ZFYVE19: variants seen among roughly 807,000 people sequenced by gnomAD.
ZFYVE19 encodes the protein abscission/NoCut checkpoint regulator.
Under a neutral mutation model 62.8 loss-of-function variants are expected in ZFYVE19, and 49 were observed. The ratio of observed to expected loss-of-function variants is 0.78; its 90% confidence interval spans 0.62 to 0.99. The LOEUF is 0.99. Ranked by LOEUF, ZFYVE19 falls within the 50% of genes least tolerant of loss-of-function variation. The pLI is 0.00. For synonymous variants in ZFYVE19, 242 were observed against 234.3 expected (o/e 1.03, Z -0.30); for missense variants, 630 against 601.9 (o/e 1.05, Z -0.49).
At position 40,813,962 on chromosome 15, in the gene ZFYVE19, G is replaced by A; in HGVS notation, c.1229G>A (p.Arg410Lys). 1 of 1,611,778 alleles carries A rather than the reference G, an allele frequency of 6.2e-7. No individual in the cohort carries two copies. The highest frequency in any genetic ancestry group is 8.5e-7 in the Non-Finnish European group (1 of 1,178,676). Reference sequence around the variant, plus strand: ...CTGAAGGCCCAGGATGTGGACCCCAGGCCTGAGGCTGAGGAAGAGGAGCTC... The same window carrying A: ...CTGAAGGCCCAGGATGTGGACCCCAAGCCTGAGGCTGAGGAAGAGGAGCTC... ...AEPEAQDVDP[R>K]PEAEEEELPW... The change falls in exon 10 of 11, where the codon AGG (arginine) becomes AAG (lysine). Residue 410 changes from arginine (R) to lysine (K), a missense_variant. Transcript: ENST00000355341.
rs1341275969 is a variant in ZFYVE19 at position 40,814,849 on chromosome 15, AG to A, written c.*625del. On this transcript the variant is annotated 3_prime_UTR_variant, in exon 11 of 11. Transcript: ENST00000355341. ...TCTCTACTACTCACACAATGCACGC[AG>A]GAACAATGCACACACACCCTGCTTC... is the stretch of plus-strand genomic sequence containing the variant. 3 of 156,306 alleles carry A rather than the reference AG, an allele frequency of 1.9e-5. No homozygotes were observed. Among genetic ancestry groups the A allele is most frequent in the African/African-American group, 4.8e-5 (2 of 41,474 alleles). The allele number at this position is 156,306 out of a possible 1,614,324, so 9.7% of individuals were successfully genotyped here.
At chr15:40,812,151 A>G (rs1005212316) in intron 6 of ZFYVE19, among the ~76,000 whole-genome samples, 1 of 152,222 alleles carries the variant, frequency 6.6e-6, no homozygotes, top group Non-Finnish European at 1.5e-5. Context: ...GGGTAAAATT[A>G]TTAGTTTTTT....
At position 40,812,863 on chromosome 15, in the gene ZFYVE19, A is replaced by G; in HGVS notation, c.991A>G (p.Lys331Glu). Residue 331 changes from lysine (K) to glutamate (E), a missense_variant, in exon 7 of 11, where the codon AAG becomes GAG. Lys to Glu is a moderately conservative substitution (Grantham distance 56, BLOSUM62 1). Transcript: ENST00000355341. ...GCAGGAACGGATTCTGGCCCTGGCC[A>G]AGCGACTAGCCATGCTGCGGGGACA... ...TRQERILALA[K>E]RLAMLRGQDP... 6.2e-7 allele frequency: 1 copy of G among 1,613,300 alleles called. No individual in the cohort carries two copies. Among genetic ancestry groups the G allele is most frequent in the Non-Finnish European group, 8.5e-7 (1 of 1,180,000 alleles).
At chr15:40,809,276 A>C in intron 2 of ZFYVE19, 36 bp downstream of exon 2, 1 of 1,612,912 alleles carries the variant, frequency 6.2e-7, no homozygotes, top group African/African-American at 1.3e-5. Flanking sequence ...TCAGCCAAGT[A>C]TGGCAGTGGG....
At position 40,813,795 on chromosome 15, in the gene ZFYVE19, G is replaced by T; in HGVS notation, c.1193G>T (p.Arg398Leu). ...EQASRPWTQPRGAEPEAQDVD... is the reference protein window; with the variant it reads ...EQASRPWTQPLGAEPEAQDVD... Reference sequence around the variant, plus strand: ...GCTTCTCGACCCTGGACGCAACCCCGCGGGGCAGAGCCTGAGGTGAGAAAA... The same window carrying T: ...GCTTCTCGACCCTGGACGCAACCCCTCGGGGCAGAGCCTGAGGTGAGAAAA... Residue 398 changes from arginine (R) to leucine (L), a missense_variant, in exon 9 of 11, where the codon CGC (arginine) becomes CTC (leucine). Physicochemically the swap from Arg to Leu is moderately radical, Grantham distance 102. Transcript: ENST00000355341. 6.2e-7 allele frequency: 1 copy of T among 1,613,790 alleles called. No individual in the cohort carries two copies. Among genetic ancestry groups the T allele is most frequent in the Non-Finnish European group, 8.5e-7 (1 of 1,179,896 alleles).
chr15:40,812,635 T>C (rs1036709124), intron 6 of ZFYVE19, 64 bp from the exon 7 acceptor site: 2 of 1,235,136 alleles, frequency 1.6e-6, no homozygotes, highest in Non-Finnish European at 2.3e-6. Context: ...AGAAATGGGC[T>C]CATTGGCTTC....
intron 1 of ZFYVE19, 88 bp downstream of exon 1, chr15:40,807,956 G>C (rs909626046): frequency 6.8e-7 from 1 of 1,472,696 alleles, no homozygotes; most frequent in African/African-American, 1.4e-5. Context: ...TGGTCTTACG[G>C]CTCCTTTCCA....
chr15:40,809,997 A>G (rs1566837225), intron 4 of ZFYVE19, 27 bp downstream of exon 4: 15 of 1,614,150 alleles, frequency 9.3e-6, no homozygotes, highest in East Asian at 2.2e-5. Flanking sequence ...GGGGTTGCCT[A>G]GAGGACACAG....
chr15:40,810,013 G>A (rs754767915), intron 4 of ZFYVE19, 43 bp downstream of exon 4: 2 of 1,614,128 alleles, frequency 1.2e-6, no homozygotes, highest in Non-Finnish European at 8.5e-7. Flanking sequence ...CACAGTCCAG[G>A]GCTTCTGGGA....
intron 5 of ZFYVE19, 91 bp from the exon 6 acceptor site, chr15:40,810,558 C>G: frequency 6.6e-7 from 1 of 1,509,396 alleles, no homozygotes; most frequent in East Asian, 2.5e-5. Flanking sequence ...TCTCCTTTCC[C>G]TGGGCTTTGA....
chr15:40,809,573 T>G, intron 3 of ZFYVE19, 115 bp downstream of exon 3: 3 of 1,329,870 alleles, frequency 2.3e-6, no homozygotes, highest in Non-Finnish European at 3.2e-6. Flanking sequence ...GAGAATTCTC[T>G]CCTCTCTGGC....
chr15:40,814,038 C>G lies in ZFYVE19; in HGVS notation c.1305C>G (p.Cys435Trp). ...NEDATLRCAG[C>W]DGDLFCARCF... ...ATGCCACCCTACGCTGCGCTGGCTG[C>G]GATGGGGACCTCTTCTGTGCCCGCT... The change falls in exon 10 of 11, where the codon TGC (cysteine) becomes TGG (tryptophan). Residue 435 changes from cysteine to tryptophan, a missense_variant. By Grantham distance (215) the Cys-to-Trp change is radical. Transcript: ENST00000355341. The G allele has an allele frequency of 1.2e-6, 2 of 1,614,010 alleles. No homozygotes were observed.
At chr15:40,811,085 A>G in intron 6 of ZFYVE19, 1 of 320,472 alleles carries the variant, frequency 3.1e-6, no homozygotes. Context: ...AATCAGGAGG[A>G]GTAAACGAGA....
rs756972336 is a variant in ZFYVE19, at chr15:40,808,221, C to T, written c.279+353C>T. 1.9e-6 allele frequency: 3 copies of T among 1,593,274 alleles called. No individual in the cohort carries two copies. The Admixed American group carries it at 5.0e-5, about 27-fold the overall frequency. ...GGTGTCCATCACACCAAGCCCGTTA[C>T]TCCCTCTGCTCTGAAATCTTCCCCA... On this transcript the variant is annotated intron_variant, in intron 1 of 10. Transcript: ENST00000355341.
Position 40,813,702 on chromosome 15 carries a change from C to A in ZFYVE19, c.1111-11C>A. ...AAGCAGGGGAGTAGTACATCTTCAC[C>A]CTGTCCGCAGCTCACTGAAGAAGCT... On this transcript the variant is annotated splice_polypyrimidine_tract_variant and intron_variant, in intron 8 of 10. Coordinates refer to ENST00000355341, the MANE Select transcript of ZFYVE19 (RefSeq NM_001077268.2). The A allele has an allele frequency of 1.2e-6, 2 of 1,610,740 alleles. No homozygotes were observed. Among genetic ancestry groups the A allele is most frequent in the Non-Finnish European group, 1.7e-6 (2 of 1,178,452 alleles).
rs574436226 is a variant in ZFYVE19 at position 40,813,513 on chromosome 15, C to T, written c.1110+96C>T. 4.2e-5 allele frequency: 57 copies of T among 1,368,802 alleles called. No individual in the cohort carries two copies. In the South Asian group the frequency reaches 6.3e-4, roughly 15 times the overall value. 84.8% of individuals were successfully genotyped at this position (1,368,802 alleles called of 1,614,324 possible). On this transcript the variant is annotated intron_variant, in intron 8 of 10. Coordinates refer to ENST00000355341, the MANE Select transcript of ZFYVE19 (RefSeq NM_001077268.2). ...CTGGGTGGACAGTAACTGTGAAGCT[C>T]CTGTTCTCTTTGGGCCCCCTCCTGT...
chr15:40,808,100 A>G, intron 1 of ZFYVE19: 1 of 728,700 alleles, frequency 1.4e-6, no homozygotes, highest in Non-Finnish European at 2.0e-6. Flanking sequence ...TAAACTGTAA[A>G]GCGCGCTGCC....
chr15:40,814,941 C>T lies in ZFYVE19; in HGVS notation c.*715C>T, dbSNP rs1390096570. On this transcript the variant is annotated 3_prime_UTR_variant, in exon 11 of 11. Coordinates refer to ENST00000355341, the MANE Select transcript of ZFYVE19 (RefSeq NM_001077268.2). ...TCCCAACCTGCCTGCCATTCAGTCT[C>T]AGTATCTCTCTTCCAGTAATGCGCC... 6.5e-6 allele frequency: 1 copy of T among 154,142 alleles called. No homozygotes were observed. The highest frequency in any genetic ancestry group is 2.4e-5 in the African/African-American group (1 of 41,472). 9.5% of individuals were successfully genotyped at this position (154,142 alleles called of 1,614,324 possible).
chr15:40,807,927 G>A (rs1181377310), intron 1 of ZFYVE19, 59 bp downstream of exon 1: 2 of 1,548,910 alleles, frequency 1.3e-6, no homozygotes, highest in East Asian at 4.5e-5. Flanking sequence ...AAAAGCGCGG[G>A]ACTTAACGTC....
Sources: allele counts gnomAD v4.1 joint callset (sites outside exome capture counted in the v4.1 genomes callset), GRCh38; gene constraint gnomAD v4.1.1; transcripts MANE v1.5; gene names NCBI Gene and HGNC (gene_info 2026-07-23, HGNC 2026-07-21).